The following ABCB11 variants were observed in gnomAD, a reference collection of about 807,000 sequenced individuals.
The protein encoded by ABCB11 is bile salt export pump.
ABCB11 carries 95 observed loss-of-function variants against 148.0 expected under a neutral mutation model. That is an observed-to-expected ratio of 0.64 (90% CI 0.54 to 0.76). The LOEUF (loss-of-function observed/expected upper bound fraction) is 0.76, where lower values mean the gene tolerates loss of function less well. ABCB11 is among the 30% of genes least tolerant of loss of function. ABCB11 has a pLI of 0.00. For missense variants in ABCB11, 1,523 were observed against 1,617.8 expected (o/e 0.94, Z 1.01); for synonymous variants, 591 against 555.4 (o/e 1.06, Z -0.90).
intron 1 of ABCB11, among the ~76,000 whole-genome samples, chr2:169,023,992 A>T (rs1695615799): frequency 6.6e-6 from 1 of 152,090 alleles, no homozygotes; most frequent in African/African-American, 2.4e-5. Flanking sequence ...ATATTTCATG[A>T]TATGGATACA....
At position 168,983,864 on chromosome 2, in the gene ABCB11, A is replaced by G. The variant is rs531139336; in HGVS notation, c.1083+2246T>C. 5.9e-5 allele frequency among the ~76,000 whole-genome samples: 9 copies of G among 151,782 alleles called. No homozygotes were observed. In the East Asian group the frequency reaches 1.6e-3, roughly 26 times the overall value. On this transcript the variant is annotated intron_variant, in intron 10 of 27. Coordinates refer to ENST00000650372, the MANE Select transcript of ABCB11 (RefSeq NM_003742.4). ...TTACTTAAGAATTTGATATAAAACG[A>G]CTCCCTATTTACTTGCAGGGCAAAT... is the stretch of plus-strand genomic sequence containing the variant.
chr2:169,023,219 C>T (rs1371501877), intron 1 of ABCB11, among the ~76,000 whole-genome samples: 1 of 152,130 alleles, frequency 6.6e-6, no homozygotes, highest in East Asian at 1.9e-4. Context: ...TGGTATTTTC[C>T]TCAACAATTT....
Position 168,923,700 on chromosome 2 carries a change from T to C in ABCB11, c.3888A>G (p.Glu1296=). Residue 1296 remains glutamate (E), a synonymous_variant, in exon 28 of 28, where the codon GAA becomes GAG. Coordinates refer to ENST00000650372, the MANE Select transcript of ABCB11 (RefSeq NM_003742.4). ...IAVMAQGVVI[E]KGTHEELMAQ... ...CCATCAGTTCTTCATGGGTCCCCTT[T>C]TCAATCACCACCCCCTGTGCCATGA... The C allele has an allele frequency of 6.2e-7, 1 of 1,613,838 alleles. No individual in the cohort carries two copies. The highest frequency in any genetic ancestry group is 8.5e-7 in the Non-Finnish European group (1 of 1,179,860).
chr2:168,992,983 A>C (rs1573952043), intron 8 of ABCB11, among the ~76,000 whole-genome samples: 1 of 151,898 alleles, frequency 6.6e-6, no homozygotes, highest in Admixed American at 6.6e-5. Context: ...TGGCTGCTCT[A>C]ATAATAATTT....
chr2:168,934,083 AT>A (rs34426448), intron 23 of ABCB11, among the ~76,000 whole-genome samples: 17,075 of 152,218 alleles, frequency 0.11, 1,262 homozygotes, highest in Non-Finnish European at 0.17. Context: ...TGGCAAAAAA[AT>A]ATTCTAAATT....
intron 21 of ABCB11, among the ~76,000 whole-genome samples, chr2:168,939,936 G>A (rs114468110): frequency 1.3e-5 from 2 of 152,074 alleles, no homozygotes; most frequent in African/African-American, 2.4e-5. Context: ...TATTGCCATC[G>A]TTTTAGAGCA....
rs1691161528 is a variant in ABCB11, at chr2:168,923,502, T to C, written c.*120A>G. 3.4e-6 allele frequency: 3 copies of C among 884,154 alleles called. No individual in the cohort carries two copies. The highest frequency in any genetic ancestry group is 5.6e-5 in the Admixed American group (2 of 35,738). 54.8% of individuals were successfully genotyped at this position (884,154 alleles called of 1,614,324 possible). ...GGAAAATGACTGTAAAAGTAAAATA[T>C]TAACATTCTTCTTTAAAGAAAAAAC... On this transcript the variant is annotated 3_prime_UTR_variant, in exon 28 of 28. Transcript: ENST00000650372.
intron 26 of ABCB11, among the ~76,000 whole-genome samples, chr2:168,926,236 A>G (rs1309541023): frequency 6.6e-6 from 1 of 152,146 alleles, no homozygotes; most frequent in Non-Finnish European, 1.5e-5. Context: ...TGCAGAGTCA[A>G]TATTGCGCGA....
At chr2:168,956,401 T>A (rs1692793635) in intron 19 of ABCB11, among the ~76,000 whole-genome samples, 1 of 151,732 alleles carries the variant, frequency 6.6e-6, no homozygotes, top group African/African-American at 2.4e-5. Flanking sequence ...TTTTCATGTT[T>A]CCTATGTTCT....
chr2:169,023,959 CTT>C (rs1558933713), intron 1 of ABCB11, among the ~76,000 whole-genome samples: 1 of 151,944 alleles, frequency 6.6e-6, no homozygotes, highest in African/African-American at 2.4e-5. Context: ...AAGTTTTTCT[CTT>C]TTTTTTCCTG....
At chr2:168,939,697 G>GAAAAA (rs1177206216) in intron 21 of ABCB11, among the ~76,000 whole-genome samples, 3 of 151,838 alleles carry the variant, frequency 2.0e-5, no homozygotes, top group Non-Finnish European at 4.4e-5. Flanking sequence ...GAAAAGAAAA[G>GAAAAA]ACAAAATGAT....
At chr2:169,025,747 C>T (rs552749891) in intron 1 of ABCB11, among the ~76,000 whole-genome samples, 196 of 152,318 alleles carry the variant, frequency 1.3e-3, no homozygotes, top group Non-Finnish European at 1.8e-3. Context: ...TTAAATCATG[C>T]GTCTCTATGC....
At chr2:168,941,742 G>A (rs1403270089) in intron 21 of ABCB11, among the ~76,000 whole-genome samples, 1 of 152,024 alleles carries the variant, frequency 6.6e-6, no homozygotes, top group Non-Finnish European at 1.5e-5. Context: ...AGAGTCAATT[G>A]ATGAGGCAAA....
chr2:168,972,105 CATA>C (rs1693609261), intron 13 of ABCB11, 55 bp from the exon 14 acceptor site: 2 of 1,519,270 alleles, frequency 1.3e-6, no homozygotes, highest in African/African-American at 1.4e-5. Flanking sequence ...GGTTCTGAAT[CATA>C]ATATTATGTC....
chr2:168,934,857 C>T (rs183484067), intron 23 of ABCB11, among the ~76,000 whole-genome samples: 11 of 152,132 alleles, frequency 7.2e-5, no homozygotes, highest in South Asian at 2.1e-4. Context: ...AGTTTCTTTG[C>T]GTGGAGAGAC....
chr2:168,985,057 T>C (rs1011785424), intron 10 of ABCB11, among the ~76,000 whole-genome samples: 10 of 151,900 alleles, frequency 6.6e-5, no homozygotes, highest in African/African-American at 2.2e-4. Context: ...ATATCCGGAA[T>C]CTACAATAAA....
chr2:169,008,526 C>T (rs1359843002), intron 5 of ABCB11, among the ~76,000 whole-genome samples: 3 of 152,144 alleles, frequency 2.0e-5, no homozygotes, highest in South Asian at 2.1e-4. Context: ...AACTGAATCA[C>T]GTCTGCATAG....
intron 18 of ABCB11, among the ~76,000 whole-genome samples, chr2:168,963,545 C>T (rs1310190017): frequency 6.6e-6 from 1 of 151,762 alleles, no homozygotes; most frequent in Non-Finnish European, 1.5e-5. Flanking sequence ...CAGCAGGACA[C>T]CTGCATCCTT....
intron 25 of ABCB11, among the ~76,000 whole-genome samples, chr2:168,930,424 C>G (rs1691513464): frequency 6.6e-6 from 1 of 152,156 alleles, no homozygotes; most frequent in South Asian, 2.1e-4. Context: ...TGCAGTGTGC[C>G]CAGTTTTCTT....
Sources: gnomAD v4.1 joint callset for allele counts (sites outside exome capture counted in the v4.1 genomes callset) on GRCh38, gnomAD v4.1.1 for gene constraint, MANE v1.5 for transcripts, NCBI Gene and HGNC (gene_info 2026-07-23, HGNC 2026-07-21) for gene names.